Variants in CERS3 observed in about 807,000 individuals in gnomAD.
CERS3 encodes LAG1 homolog, ceramide synthase 3.
CERS3 carries 33 observed loss-of-function variants against 50.3 expected under a neutral mutation model. That is an observed-to-expected ratio of 0.66 (90% CI 0.50 to 0.88). The LOEUF (loss-of-function observed/expected upper bound fraction) is 0.88, where lower values mean the gene tolerates loss of function less well. CERS3 is among the 40% of genes least tolerant of loss of function. The pLI, the probability that CERS3 is intolerant of heterozygous loss-of-function variation, is 0.00. For synonymous variants in CERS3, 176 were observed against 155.2 expected (o/e 1.13, Z -0.99); for missense variants, 470 against 460.3 (o/e 1.02, Z -0.19).
chr15:100,466,833 C>CTT lies in CERS3; in HGVS notation c.845+2544_845+2545insAA, dbSNP rs2034750433. On this transcript the variant is annotated intron_variant, in intron 10 of 11. Transcript: ENST00000679737. ...CCTCCCTCCCTCTCTCCCTCTCTCC[C>CTT]TCTCTCCCTCTCTCTTTCTCTCTTT... Among the ~76,000 whole-genome samples the CTT allele has an allele frequency of 1.3e-4, 3 of 22,526 alleles. 1 individual carries two copies. Among genetic ancestry groups the CTT allele is most frequent in the African/African-American group, 3.0e-4 (3 of 9,894 alleles). The allele number at this position is 22,526 out of a possible 152,430, so 14.8% of individuals were successfully genotyped here.
chr15:100,481,184 C>T (rs2035288087), intron 5 of CERS3, among the ~76,000 whole-genome samples: 1 of 152,096 alleles, frequency 6.6e-6, no homozygotes, highest in African/African-American at 2.4e-5. Flanking sequence ...AAGCCATCTC[C>T]CCAGCTCATG....
chr15:100,541,739 T>TA (rs1207755296), intron 1 of CERS3, among the ~76,000 whole-genome samples: 1 of 152,054 alleles, frequency 6.6e-6, no homozygotes, highest in African/African-American at 2.4e-5. Flanking sequence ...AGTCTCTTAT[T>TA]AAAAAATGGA....
chr15:100,502,578 T>TA (rs2036045785), intron 2 of CERS3, among the ~76,000 whole-genome samples: 1 of 152,230 alleles, frequency 6.6e-6, no homozygotes, highest in South Asian at 2.1e-4. Context: ...ACTAGTACCC[T>TA]AAAAAATTCC....
At chr15:100,467,028 G>C (rs377094930) in intron 10 of CERS3, among the ~76,000 whole-genome samples, 49 of 151,692 alleles carry the variant, frequency 3.2e-4, no homozygotes, top group Non-Finnish European at 6.6e-4. Flanking sequence ...TAATTTTTTT[G>C]TATTTTTAGT....
chr15:100,540,804 C>T (rs2037185056), intron 1 of CERS3, among the ~76,000 whole-genome samples: 1 of 152,184 alleles, frequency 6.6e-6, no homozygotes, highest in African/African-American at 2.4e-5. Context: ...AAGAGACCCT[C>T]AAATGTATTA....
At chr15:100,430,371 A>G (rs1463907813) in intron 11 of CERS3, among the ~76,000 whole-genome samples, 2 of 151,854 alleles carry the variant, frequency 1.3e-5, no homozygotes, top group African/African-American at 4.9e-5. Context: ...TGACAATGAG[A>G]AAAAAAATAC....
Position 100,498,052 on chromosome 15 carries a change from C to T in CERS3, c.173+3625G>A, listed in dbSNP as rs757259361. Among the ~76,000 whole-genome samples, 3 of 152,070 alleles carry T rather than the reference C, an allele frequency of 2.0e-5. 1 individual carries two copies. In the South Asian group the frequency reaches 6.2e-4, roughly 32 times the overall value. On this transcript the variant is annotated intron_variant, in intron 3 of 11. Transcript: ENST00000679737. Reference sequence around the variant, plus strand: ...GGGACTACAGGCATGTGCCAACACACCCAGTTAATTTTTTTGTATTTTTAG... The same window carrying T: ...GGGACTACAGGCATGTGCCAACACATCCAGTTAATTTTTTTGTATTTTTAG...
At chr15:100,467,765 C>CTA (rs536010315) in intron 10 of CERS3, among the ~76,000 whole-genome samples, 13,757 of 108,690 alleles carry the variant, frequency 0.13, 1,046 homozygotes, top group South Asian at 0.22. Flanking sequence ...CTCTCTCTCT[C>CTA]TCTCTATATA....
At chr15:100,457,107 G>T (rs951137834) in intron 10 of CERS3, among the ~76,000 whole-genome samples, 2 of 152,044 alleles carry the variant, frequency 1.3e-5, no homozygotes, top group African/African-American at 4.8e-5. Context: ...CAAGAAAATT[G>T]TCCATAACAC....
chr15:100,420,159 A>C (rs1345688319), intron 11 of CERS3, among the ~76,000 whole-genome samples: 1 of 148,516 alleles, frequency 6.7e-6, no homozygotes, highest in Non-Finnish European at 1.5e-5. Context: ...TTTTGAAAGG[A>C]TCAACAAAAT....
At position 100,502,175 on chromosome 15, in the gene CERS3, G is replaced by A. The variant is rs572424269; in HGVS notation, c.-1-325C>T. 2.0e-5 allele frequency among the ~76,000 whole-genome samples: 3 copies of A among 150,464 alleles called. No individual in the cohort carries two copies. The East Asian group carries it at 5.9e-4, about 29-fold the overall frequency. ...CAGGAGAATAGCTTGATCCCAGGAG[G>A]CGGAGTTTGCAGTGAGCCAAGATCA... On this transcript the variant is annotated intron_variant, in intron 2 of 11. Transcript: ENST00000679737.
intron 1 of CERS3, among the ~76,000 whole-genome samples, chr15:100,527,789 T>A (rs528298678): frequency 1.3e-5 from 2 of 152,260 alleles, no homozygotes; most frequent in Non-Finnish European, 2.9e-5. Context: ...TGTAAATCAA[T>A]TTGATTGATA....
chr15:100,463,263 C>T (rs1230000204), intron 10 of CERS3, among the ~76,000 whole-genome samples: 2 of 151,604 alleles, frequency 1.3e-5, no homozygotes, highest in East Asian at 1.9e-4. Context: ...GGTGAAACCC[C>T]GTTTCTACTA....
intron 5 of CERS3, among the ~76,000 whole-genome samples, chr15:100,483,080 A>G (rs1369947639): frequency 9.2e-5 from 14 of 152,228 alleles, no homozygotes; most frequent in Non-Finnish European, 2.9e-5. Flanking sequence ...ACTTGAAAAT[A>G]CTGCCTCAAA....
At chr15:100,452,085 A>T (rs80209540) in intron 11 of CERS3, among the ~76,000 whole-genome samples, 1,762 of 152,304 alleles carry the variant, frequency 0.012, 31 homozygotes, top group African/African-American at 0.039. Flanking sequence ...GAATATTTAT[A>T]AAGAAACATT....
intron 11 of CERS3, among the ~76,000 whole-genome samples, chr15:100,433,490 G>A (rs1032657903): frequency 6.6e-6 from 1 of 152,184 alleles, no homozygotes; most frequent in East Asian, 1.9e-4. Flanking sequence ...CCCATATCCA[G>A]TAACAGGTTA....
intron 4 of CERS3, among the ~76,000 whole-genome samples, chr15:100,488,596 A>G (rs1016597645): frequency 2.0e-5 from 3 of 152,120 alleles, no homozygotes; most frequent in African/African-American, 4.8e-5. Flanking sequence ...ATTACATTCT[A>G]TCTTCCTAAG....
chr15:100,480,629 C>G (rs755438704), intron 5 of CERS3, among the ~76,000 whole-genome samples: 1 of 151,946 alleles, frequency 6.6e-6, no homozygotes, highest in South Asian at 2.1e-4. Flanking sequence ...GATCCTGATT[C>G]AAATCAAGAA....
intron 2 of CERS3, among the ~76,000 whole-genome samples, chr15:100,505,082 G>A (rs558185741): frequency 6.6e-6 from 1 of 152,204 alleles, no homozygotes; most frequent in South Asian, 2.1e-4. Flanking sequence ...CTCCTGCAAG[G>A]GCAAAGATAT....
Sources: allele counts gnomAD v4.1 joint callset (sites outside exome capture counted in the v4.1 genomes callset), GRCh38; gene constraint gnomAD v4.1.1; transcripts MANE v1.5; gene names NCBI Gene and HGNC (gene_info 2026-07-23, HGNC 2026-07-21).